The following EPHA5 variants were observed in gnomAD, a reference collection of about 807,000 sequenced individuals.
The protein encoded by EPHA5 is ephrin type-A receptor 5.
In EPHA5, 60 loss-of-function variants were observed where a neutral mutation model predicts 105.0. That is an observed-to-expected ratio of 0.57 (90% confidence interval 0.46 to 0.71). EPHA5 has a LOEUF of 0.71. Among genes scored for constraint, EPHA5 ranks in the 30% least tolerant of loss-of-function variants. The pLI is 0.00. For missense variants in EPHA5, 1,218 were observed against 1,274.7 expected, an observed-to-expected ratio of 0.96 and a Z score of 0.68; for synonymous variants, 513 against 449.1, an observed-to-expected ratio of 1.14 and a Z score of -1.80.
At chr4:65,361,349 G>C (rs2148879413) in intron 11 of EPHA5, among the ~76,000 whole-genome samples, 1 of 151,706 alleles carries the variant, frequency 6.6e-6, no homozygotes, top group South Asian at 2.1e-4. Context: ...GGCAGGGCAA[G>C]AATAAGGTAG....
rs182669723 is a variant in EPHA5, at chr4:65,491,773, G to A, written c.1067-1061C>T. On this transcript the variant is annotated intron_variant, in intron 4 of 16. Transcript: ENST00000613740. ...TGCTTTATGAATTTCATATATTAAG[G>A]GTAACCATATCTTATTTGTATATTA... 3.9e-3 allele frequency among the ~76,000 whole-genome samples: 596 copies of A among 151,828 alleles called. 3 individuals are homozygous for A. The highest frequency in any genetic ancestry group is 8.9e-3 in the Admixed American group (136 of 15,254).
At chr4:65,367,980 T>C (rs893772587) in intron 8 of EPHA5, among the ~76,000 whole-genome samples, 1 of 152,058 alleles carries the variant, frequency 6.6e-6, no homozygotes, top group Non-Finnish European at 1.5e-5. Context: ...TTCAAACCTT[T>C]GTCTCTCTTC....
chr4:65,369,965 T>TCAACAA (rs1030368594), intron 8 of EPHA5, among the ~76,000 whole-genome samples: 5 of 152,020 alleles, frequency 3.3e-5, no homozygotes, highest in Admixed American at 3.3e-4. Flanking sequence ...AGACTCCATC[T>TCAACAA]CAACAACAAC....
chr4:65,613,250 T>A (rs13107445), intron 2 of EPHA5, among the ~76,000 whole-genome samples: 46,413 of 151,768 alleles, frequency 0.31, 7,216 homozygotes, highest in Non-Finnish European at 0.33. Context: ...TTTTTATGCC[T>A]GTATCATGCT....
chr4:65,333,929 C>T (rs1176651228), intron 15 of EPHA5, among the ~76,000 whole-genome samples: 1 of 151,670 alleles, frequency 6.6e-6, no homozygotes, highest in Non-Finnish European at 1.5e-5. Context: ...CTTCCCTGTC[C>T]TCATTTTTCT....
intron 8 of EPHA5, among the ~76,000 whole-genome samples, chr4:65,390,091 T>C (rs770702806): frequency 7.9e-5 from 12 of 152,106 alleles, no homozygotes; most frequent in Non-Finnish European, 1.5e-4. Context: ...CTGTATATTA[T>C]GATATTTTGA....
intron 5 of EPHA5, among the ~76,000 whole-genome samples, chr4:65,466,540 A>G (rs73222144): frequency 0.18 from 27,021 of 152,132 alleles, 2,695 homozygotes; most frequent in African/African-American, 0.24. Context: ...TTAAAAATAA[A>G]CTGTAGAGAT....
intron 5 of EPHA5, among the ~76,000 whole-genome samples, chr4:65,454,292 A>C (rs1380042472): frequency 7.2e-6 from 1 of 139,518 alleles, no homozygotes. Flanking sequence ...AATAATAATA[A>C]ATAATAATAA....
At chr4:65,447,663 G>A (rs1199997568) in intron 5 of EPHA5, among the ~76,000 whole-genome samples, 2 of 151,826 alleles carry the variant, frequency 1.3e-5, no homozygotes, top group Non-Finnish European at 2.9e-5. Flanking sequence ...AACACAGACA[G>A]CTTAAAATGT....
intron 2 of EPHA5, among the ~76,000 whole-genome samples, chr4:65,608,711 T>G (rs919467161): frequency 6.6e-6 from 1 of 152,214 alleles, no homozygotes; most frequent in Admixed American, 6.5e-5. Context: ...AATATATAGA[T>G]CAATTTTAGA....
intron 3 of EPHA5, among the ~76,000 whole-genome samples, chr4:65,495,797 A>G (rs1396726753): frequency 3.9e-5 from 6 of 152,204 alleles, no homozygotes; most frequent in African/African-American, 1.4e-4. Context: ...ACAGGAGCTT[A>G]TAAGGAATTA....
At chr4:65,640,714 T>C (rs1472765341) in intron 2 of EPHA5, among the ~76,000 whole-genome samples, 1 of 152,210 alleles carries the variant, frequency 6.6e-6, no homozygotes, top group Non-Finnish European at 1.5e-5. Flanking sequence ...TCCTTCAATA[T>C]TCAGCTAAGC....
Position 65,337,074 on chromosome 4 carries a change from A to T in EPHA5, c.2596-949T>A, listed in dbSNP as rs567071847. Among the ~76,000 whole-genome samples, 50 of 151,736 alleles carry T rather than the reference A, an allele frequency of 3.3e-4. 1 individual carries two copies. Among genetic ancestry groups the T allele is most frequent in the African/African-American group, 1.1e-3 (47 of 41,388 alleles). ...TAGGAAATTTACAAAGATAATTTTAATTTTTTTTTCTTTTTCTGCTGGCAC... is the reference window on the plus strand; with the variant it reads ...TAGGAAATTTACAAAGATAATTTTATTTTTTTTTTCTTTTTCTGCTGGCAC... On this transcript the variant is annotated intron_variant, in intron 14 of 16. Transcript: ENST00000613740.
At chr4:65,513,425 C>T (rs1431831904) in intron 3 of EPHA5, among the ~76,000 whole-genome samples, 4 of 151,978 alleles carry the variant, frequency 2.6e-5, no homozygotes, top group Admixed American at 6.6e-5. Flanking sequence ...CTCGCTCTGT[C>T]GCCCAGGCTG....
intron 14 of EPHA5, among the ~76,000 whole-genome samples, chr4:65,343,311 T>G (rs1294826016): frequency 6.6e-6 from 1 of 152,148 alleles, no homozygotes; most frequent in Non-Finnish European, 1.5e-5. Flanking sequence ...TTAGTTGTTC[T>G]AGTTTATTTT....
chr4:65,364,108 A>C (rs746492085), intron 11 of EPHA5, among the ~76,000 whole-genome samples: 1 of 151,662 alleles, frequency 6.6e-6, no homozygotes, highest in African/African-American at 2.4e-5. Flanking sequence ...ATGTGTGGGT[A>C]TATACTCAAC....
At chr4:65,447,666 T>A (rs1726681299) in intron 5 of EPHA5, among the ~76,000 whole-genome samples, 1 of 151,994 alleles carries the variant, frequency 6.6e-6, no homozygotes, top group Admixed American at 6.6e-5. Context: ...ACAGACAGCT[T>A]AAAATGTTAA....
At position 65,333,526 on chromosome 4, in the gene EPHA5, TGA is replaced by T. The variant is rs1407476428; in HGVS notation, c.2790-1400_2790-1399del. The stretch of plus-strand genomic sequence containing the variant: ...AATCACAATTGTGTGCGTGTGCGTG[TGA>T]GAGTGTGTGTCTGTGTGTGTGTGTG... On this transcript the variant is annotated intron_variant, in intron 15 of 16. Transcript: ENST00000613740. 3.2e-5 allele frequency among the ~76,000 whole-genome samples: 4 copies of T among 123,234 alleles called. No homozygotes were observed. In the South Asian group the frequency reaches 8.3e-4, roughly 25 times the overall value. 80.8% of individuals were successfully genotyped at this position (123,234 alleles called of 152,430 possible).
chr4:65,495,617 T>G (rs549485531), intron 3 of EPHA5, 74 bp from the exon 4 acceptor site: 102 of 1,321,746 alleles, frequency 7.7e-5, no homozygotes, highest in Non-Finnish European at 4.2e-6. Flanking sequence ...AATGTCATTA[T>G]TTTGACTTGT....
Sources: gnomAD v4.1 joint callset for allele counts (sites outside exome capture counted in the v4.1 genomes callset) on GRCh38, gnomAD v4.1.1 for gene constraint, MANE v1.5 for transcripts, NCBI Gene and HGNC (gene_info 2026-07-23, HGNC 2026-07-21) for gene names.